Variants in KDM2B observed in about 807,000 individuals in gnomAD.
KDM2B encodes lysine demethylase 2B, also known as lysine-specific demethylase 2B.
KDM2B carries 26 observed loss-of-function variants against 150.0 expected under a neutral mutation model. The ratio of observed to expected loss-of-function variants is 0.17; its 90% CI spans 0.13 to 0.24. The LOEUF (loss-of-function observed/expected upper bound fraction) is 0.24. Ranked by LOEUF, KDM2B falls within the 10% of genes least tolerant of loss-of-function variation. The pLI is 1.00. For synonymous variants in KDM2B, 734 were observed against 729.5 expected, an observed-to-expected ratio of 1.01 and a Z score of -0.10; for missense variants, 1,265 against 1,816.9, an observed-to-expected ratio of 0.70 and a Z score of 5.52.
intron 4 of KDM2B, among the ~76,000 whole-genome samples, chr12:121,560,350 A>G (rs1555313674): frequency 1.3e-5 from 2 of 152,214 alleles, no homozygotes; most frequent in Non-Finnish European, 2.9e-5. Context: ...GTGTAAAGGC[A>G]GGAAGAAACT....
chr12:121,475,564 C>T (rs1365144534), intron 12 of KDM2B, among the ~76,000 whole-genome samples: 1 of 151,730 alleles, frequency 6.6e-6, no homozygotes, highest in Non-Finnish European at 1.5e-5. Context: ...TGCACTCAGT[C>T]ACCCTGGGTG....
chr12:121,443,150 C>T (rs1875469726), intron 17 of KDM2B, 120 bp from the exon 18 acceptor site: 20 of 929,148 alleles, frequency 2.2e-5, no homozygotes, highest in Non-Finnish European at 3.2e-5. Flanking sequence ...GGGAGGCCTT[C>T]CCCACAAATG....
At position 121,475,180 on chromosome 12, in the gene KDM2B, C is replaced by CTGTGTGTG. The variant is rs1881212468; in HGVS notation, c.1734+19398_1734+19399insCACACACA. ...ATCCCTGTCATTAAACTACACATGA[C>CTGTGTGTG]TCTGTGTGTGTGTGTGTGTGTGTGT... On this transcript the variant is annotated intron_variant, in intron 12 of 22. Coordinates refer to ENST00000377071, the MANE Select transcript of KDM2B (RefSeq NM_032590.5). 4.5e-5 allele frequency among the ~76,000 whole-genome samples: 5 copies of CTGTGTGTG among 111,006 alleles called. No individual in the cohort carries two copies. The South Asian group carries it at 1.7e-3, about 38-fold the overall frequency. The allele number at this position is 111,006 out of a possible 152,430, so 72.8% of individuals were successfully genotyped here.
intron 22 of KDM2B, among the ~76,000 whole-genome samples, chr12:121,432,858 G>A (rs1359059985): frequency 6.6e-6 from 1 of 152,216 alleles, no homozygotes; most frequent in African/African-American, 2.4e-5. Flanking sequence ...CTAGTTCCTG[G>A]CTAGAAGGGA....
At chr12:121,495,737 G>A (rs1235293167) in intron 11 of KDM2B, among the ~76,000 whole-genome samples, 7 of 152,150 alleles carry the variant, frequency 4.6e-5, no homozygotes, top group South Asian at 2.1e-4. Context: ...CCATGACTCC[G>A]TCCTTTAGTC....
chr12:121,541,993 A>G (rs1888648078), intron 6 of KDM2B, among the ~76,000 whole-genome samples: 1 of 152,166 alleles, frequency 6.6e-6, no homozygotes, highest in Non-Finnish European at 1.5e-5. Flanking sequence ...CCTCCCTTCG[A>G]GAGGCAGAGC....
In KDM2B at chr12:121,537,791, G is replaced by A. The variant is rs1484556378; in HGVS notation, c.684-3201C>T. Reference sequence around the variant, plus strand: ...CGCCGCACACTCGCACCCGACCCCGGGAGACACAAAGAGCGGCTCCGCGAC... The same window carrying A: ...CGCCGCACACTCGCACCCGACCCCGAGAGACACAAAGAGCGGCTCCGCGAC... On this transcript the variant is annotated intron_variant, in intron 6 of 22. Transcript: ENST00000377071. The surrounding 1 kb of genome is among the most constrained non-coding windows in gnomAD (Gnocchi z 8.7). Among the ~76,000 whole-genome samples, 1 of 152,004 alleles carries A rather than the reference G, an allele frequency of 6.6e-6. No homozygotes were observed. The highest frequency in any genetic ancestry group is 1.9e-4 in the East Asian group (1 of 5,170).
At chr12:121,426,691 T>C (rs1555284291), downstream of KDM2B, among the ~76,000 whole-genome samples, 1 of 149,340 alleles carries the variant, frequency 6.7e-6, no homozygotes, top group African/African-American at 2.5e-5. Flanking sequence ...AATGGTGCAA[T>C]CTTGGCTTAT....
intron 6 of KDM2B, among the ~76,000 whole-genome samples, chr12:121,548,185 T>C (rs1400619154): frequency 1.3e-5 from 2 of 152,114 alleles, no homozygotes; most frequent in Non-Finnish European, 2.9e-5. Context: ...GAGAATTGCT[T>C]GAACCCAGGA....
intron 8 of KDM2B, among the ~76,000 whole-genome samples, chr12:121,529,922 C>CT (rs1887491661): frequency 7.3e-6 from 1 of 136,822 alleles, no homozygotes. Context: ...GAGCAAGACT[C>CT]TGTCTCAAAA....
Position 121,453,072 on chromosome 12 carries a change from A to G in KDM2B, c.1959+48T>C. 1.3e-6 allele frequency: 2 copies of G among 1,488,782 alleles called. No homozygotes were observed. Among genetic ancestry groups the G allele is most frequent in the Non-Finnish European group, 1.8e-6 (2 of 1,106,430 alleles). 92.2% of individuals were successfully genotyped at this position (1,488,782 alleles called of 1,614,324 possible). Reference sequence around the variant, plus strand: ...GCAGCGGTCAGACACGCGGGCCGGCACGCAGGGGCCTGAATCGAGCGCAGG... The same window carrying G: ...GCAGCGGTCAGACACGCGGGCCGGCGCGCAGGGGCCTGAATCGAGCGCAGG... On this transcript the variant is annotated intron_variant, in intron 13 of 22. Coordinates refer to ENST00000377071, the MANE Select transcript of KDM2B (RefSeq NM_032590.5). The surrounding 1 kb of genome is among the most constrained non-coding windows in gnomAD (Gnocchi z 6.4).
rs770223149 is a variant in KDM2B at position 121,439,601 on chromosome 12, C to T, written c.3829+256G>A. Among the ~76,000 whole-genome samples, 155 of 152,148 alleles carry T rather than the reference C, an allele frequency of 1.0e-3. 1 individual carries two copies. The highest frequency in any genetic ancestry group is 2.9e-3 in the Admixed American group (45 of 15,294). The stretch of plus-strand genomic sequence containing the variant: ...TTCACCATGTTGGCCAGGCTAGTCT[C>T]GAACTCCTGTCCTTATGATCCACCT... On this transcript the variant is annotated intron_variant, in intron 22 of 22. Coordinates refer to ENST00000377071, the MANE Select transcript of KDM2B (RefSeq NM_032590.5).
chr12:121,538,018 C>A (rs1372673293), intron 6 of KDM2B, among the ~76,000 whole-genome samples: 3 of 150,700 alleles, frequency 2.0e-5, no homozygotes, highest in African/African-American at 7.3e-5. Context: ...GGCGGCAACG[C>A]GAGCCGAGCC....
chr12:121,447,663 T>C (rs941031059), intron 13 of KDM2B, among the ~76,000 whole-genome samples: 2 of 152,074 alleles, frequency 1.3e-5, no homozygotes, highest in African/African-American at 4.8e-5. Context: ...ATGTTATTTC[T>C]TTTTTCTTAT....
At position 121,447,322 on chromosome 12, in the gene KDM2B, C is replaced by G. The variant is rs539341919; in HGVS notation, c.1960-1904G>C. Among the ~76,000 whole-genome samples, 18 of 152,086 alleles carry G rather than the reference C, an allele frequency of 1.2e-4. No homozygotes were observed. The East Asian group carries it at 2.1e-3, about 18-fold the overall frequency. On this transcript the variant is annotated intron_variant, in intron 13 of 22. Coordinates refer to ENST00000377071, the MANE Select transcript of KDM2B (RefSeq NM_032590.5). ...GGAGTGCAGTGGCACGGTCTCGACT[C>G]ACTGCAACCTCTGCCTCCTGGGTTC...
downstream of KDM2B, among the ~76,000 whole-genome samples, chr12:121,424,837 A>G (rs1872435965): frequency 6.6e-6 from 1 of 152,284 alleles, no homozygotes; most frequent in South Asian, 2.1e-4. Flanking sequence ...GTATTGCGCT[A>G]GGTGCTGTAG....
intron 12 of KDM2B, among the ~76,000 whole-genome samples, chr12:121,488,518 G>A (rs1218356802): frequency 6.6e-6 from 1 of 152,164 alleles, no homozygotes; most frequent in Non-Finnish European, 1.5e-5. Flanking sequence ...GCTAGTCAGT[G>A]GTGAAGGAAG....
intron 12 of KDM2B, among the ~76,000 whole-genome samples, chr12:121,487,844 C>G (rs898833473): frequency 1.3e-5 from 2 of 150,118 alleles, no homozygotes; most frequent in Admixed American, 1.3e-4. Context: ...CACGGTGTCG[C>G]GATCTCGGCT....
intron 8 of KDM2B, among the ~76,000 whole-genome samples, chr12:121,528,080 A>T (rs1887310230): frequency 6.6e-6 from 1 of 152,184 alleles, no homozygotes; most frequent in Non-Finnish European, 1.5e-5. Flanking sequence ...TGTGGCCTTG[A>T]TGTCCTGACC....
Sources: allele counts gnomAD v4.1 joint callset (sites outside exome capture counted in the v4.1 genomes callset), GRCh38; gene constraint gnomAD v4.1.1; non-coding constraint Gnocchi (gnomAD v3.1); transcripts MANE v1.5; gene names NCBI Gene and HGNC (gene_info 2026-07-23, HGNC 2026-07-21).